The following NSMF variants were observed in gnomAD, a reference collection of about 807,000 sequenced individuals.
NSMF encodes NMDA receptor synaptonuclear signaling and neuronal migration factor, also known as nasal embryonic LHRH factor.
In NSMF, 31 loss-of-function variants were observed where a neutral mutation model predicts 71.0. The ratio of observed to expected loss-of-function variants is 0.44; its 90% CI spans 0.33 to 0.59. NSMF has a LOEUF of 0.59. Among genes scored for constraint, NSMF ranks in the 20% least tolerant of loss-of-function variants. The pLI is 0.04. For synonymous variants in NSMF, 345 were observed against 287.1 expected (o/e 1.20, Z -2.04); for missense variants, 673 against 740.5 (o/e 0.91, Z 1.06).
At chr9:137,456,098 GAC>G (rs1830817642) in intron 4 of NSMF, among the ~76,000 whole-genome samples, 1 of 152,200 alleles carries the variant, frequency 6.6e-6, no homozygotes, top group Non-Finnish European at 1.5e-5. Context: ...AGGGAGGGCA[GAC>G]ACAGGCTGAG....
chr9:137,452,772 G>A lies in NSMF; in HGVS notation c.1095C>T (p.Ile365=). 1 of 1,607,216 alleles carries A rather than the reference G, an allele frequency of 6.2e-7. No individual in the cohort carries two copies. Among genetic ancestry groups the A allele is most frequent in the Non-Finnish European group, 8.5e-7 (1 of 1,177,998 alleles). ...GGATGATGGAGGGGTCATCCCGGCG[G>A]ATGATAGTGGGGATGTACTCAGCCT... ...VPKAEYIPTI[I]RRDDPSIIPI... is the part of the protein sequence containing the mutation. Residue 365 remains isoleucine (I), a synonymous_variant, in exon 10 of 16, where the codon ATC becomes ATT. Transcript: ENST00000371475.
rs1338418331 is a variant in NSMF at position 137,459,182 on chromosome 9, CGG to C, written c.-82_-81del. Reference sequence around the variant, plus strand: ...CTCCGCCGGGGTAGCCGCGCCGCACCGGGGGTCGCGCTCGGGCTCGGGCTCGG... The same window carrying C: ...CTCCGCCGGGGTAGCCGCGCCGCACCGGGTCGCGCTCGGGCTCGGGCTCGG... On this transcript the variant is annotated 5_prime_UTR_variant, in exon 1 of 16. It removes the in-frame stop codon of an upstream open reading frame in the 5' UTR. Coordinates refer to ENST00000371475, the MANE Select transcript of NSMF (RefSeq NM_001130969.3). The C allele has an allele frequency of 9.7e-7, 1 of 1,035,700 alleles. No homozygotes were observed. The highest frequency in any genetic ancestry group is 1.2e-6 in the Non-Finnish European group (1 of 843,468). The allele number at this position is 1,035,700 out of a possible 1,614,324, so 64.2% of individuals were successfully genotyped here. A position where few individuals can be genotyped will look rare whatever the true frequency, so the allele number is the denominator to read the frequency against.
chr9:137,456,631 C>A, intron 3 of NSMF, 145 bp from the exon 4 acceptor site: 1 of 726,734 alleles, frequency 1.4e-6, no homozygotes, highest in Non-Finnish European at 2.5e-6. Flanking sequence ...GGCATCCCCA[C>A]ACGGGCACAG....
At position 137,449,327 on chromosome 9, in the gene NSMF, C is replaced by T. The variant is rs1839778633; in HGVS notation, c.*67G>A. On this transcript the variant is annotated 3_prime_UTR_variant, in exon 16 of 16. Coordinates refer to ENST00000371475, the MANE Select transcript of NSMF (RefSeq NM_001130969.3). ...CCACACAGTCCCGGGGAGCACGAGG[C>T]GGCCCAGCCCCAGGTCCCGGTGCAG... is the stretch of plus-strand genomic sequence containing the variant. The T allele has an allele frequency of 1.1e-5, 15 of 1,364,974 alleles. No homozygotes were observed. The highest frequency in any genetic ancestry group is 1.7e-5 in the Admixed American group (1 of 57,472). The allele number at this position is 1,364,974 out of a possible 1,614,324, so 84.6% of individuals were successfully genotyped here. A position where few individuals can be genotyped will look rare whatever the true frequency, so the allele number is the denominator to read the frequency against.
intron 9 of NSMF, 25 bp from the exon 10 acceptor site, chr9:137,452,844 G>T: frequency 6.3e-7 from 1 of 1,584,980 alleles, no homozygotes. Flanking sequence ...AGCTGCTCAG[G>T]GGCCCCAGGC....
At chr9:137,458,317 C>T (rs191100486) in intron 2 of NSMF, among the ~76,000 whole-genome samples, 171 bp downstream of exon 2, 2 of 152,162 alleles carry the variant, frequency 1.3e-5, no homozygotes, top group Non-Finnish European at 2.9e-5. Flanking sequence ...CGGCTGGGAA[C>T]TGCTCCTGGG....
In NSMF at chr9:137,458,479, T is replaced by C; in HGVS notation, c.133+9A>G. ...TGGGCGGCCCTGGCACGGCCTCGCGTGCCCCTACCTGCGCCGTTGCGGTTC... is the reference window on the plus strand; with the variant it reads ...TGGGCGGCCCTGGCACGGCCTCGCGCGCCCCTACCTGCGCCGTTGCGGTTC... On this transcript the variant is annotated intron_variant, in intron 2 of 15. Transcript: ENST00000371475. 11 of 1,579,738 alleles carry C rather than the reference T, an allele frequency of 7.0e-6. No individual in the cohort carries two copies. Among genetic ancestry groups the C allele is most frequent in the African/African-American group, 1.3e-5 (1 of 74,138 alleles).
intron 2 of NSMF, 126 bp from the exon 3 acceptor site, chr9:137,458,027 AC>A: frequency 7.6e-7 from 1 of 1,321,890 alleles, no homozygotes; most frequent in Non-Finnish European, 1.0e-6. Flanking sequence ...GGCTGCCCAA[AC>A]CCTAGTCACT....
rs1025704361 is a variant in NSMF, at chr9:137,458,019, C to T, written c.134-118G>A. On this transcript the variant is annotated intron_variant, in intron 2 of 15. Transcript: ENST00000371475. ...ACCTGGCCTCTGTGGGGGACTAGGG[C>T]TGCCCAAACCCTAGTCACTGGCGTG... is the stretch of plus-strand genomic sequence containing the variant. The T allele has an allele frequency of 1.3e-5, 18 of 1,394,894 alleles. No homozygotes were observed. In the African/African-American group the frequency reaches 1.4e-4, roughly 11 times the overall value. The allele number at this position is 1,394,894 out of a possible 1,614,324, so 86.4% of individuals were successfully genotyped here. A position where few individuals can be genotyped will look rare whatever the true frequency, so the allele number is the denominator to read the frequency against.
chr9:137,450,321 C>T (rs1214842831), intron 12 of NSMF, 66 bp from the exon 13 acceptor site: 35 of 1,338,756 alleles, frequency 2.6e-5, no homozygotes, highest in Non-Finnish European at 3.0e-5. Context: ...CATGCACCCA[C>T]GCACATGCGT....
intron 5 of NSMF, 107 bp from the exon 6 acceptor site, chr9:137,455,414 G>C: frequency 2.3e-6 from 3 of 1,326,580 alleles, no homozygotes; most frequent in Non-Finnish European, 3.2e-6. Context: ...CTGGGGCACG[G>C]GGCCCGGCAG....
chr9:137,454,351 C>T (rs376912023), intron 7 of NSMF, 40 bp downstream of exon 7: 307 of 1,540,076 alleles, frequency 2.0e-4, no homozygotes, highest in Non-Finnish European at 2.6e-4. Flanking sequence ...ACCAGCCAAG[C>T]GCAACGCCGC....
chr9:137,459,112 G>C lies in NSMF; in HGVS notation c.-10C>G. On this transcript the variant is annotated 5_prime_UTR_variant, in exon 1 of 16. Transcript: ENST00000371475. ...AGGCGGCGGCGCCCATGGTCGAGGC[G>C]GCGGCGCATCCCCCGGGCCTCAGAG... The C allele has an allele frequency of 8.1e-7, 1 of 1,230,006 alleles. No homozygotes were observed. Among genetic ancestry groups the C allele is most frequent in the Non-Finnish European group, 1.0e-6 (1 of 983,098 alleles). The allele number at this position is 1,230,006 out of a possible 1,614,324, so 76.2% of individuals were successfully genotyped here. A position where few individuals can be genotyped will look rare whatever the true frequency, so the allele number is the denominator to read the frequency against.
Position 137,448,967 on chromosome 9 carries a change from G to A in NSMF, c.*427C>T. 2 of 322,026 alleles carry A rather than the reference G, an allele frequency of 6.2e-6. No homozygotes were observed. Among genetic ancestry groups the A allele is most frequent in the Admixed American group, 4.5e-5 (1 of 22,070 alleles). The allele number at this position is 322,026 out of a possible 1,614,324, so 19.9% of individuals were successfully genotyped here. A position where few individuals can be genotyped will look rare whatever the true frequency, so the allele number is the denominator to read the frequency against. On this transcript the variant is annotated 3_prime_UTR_variant, in exon 16 of 16. Coordinates refer to ENST00000371475, the MANE Select transcript of NSMF (RefSeq NM_001130969.3). This position sits in a 1 kb window ranked among gnomAD's most constrained non-coding sequence, Gnocchi z 5.3. The stretch of plus-strand genomic sequence containing the variant: ...GGAGGGTCCTGAACACATGTGGGCT[G>A]CTGGGCTGCTGGGCCGGGGTGCCTA...
intron 12 of NSMF, 51 bp from the exon 13 acceptor site, chr9:137,450,306 A>T: frequency 2.8e-6 from 4 of 1,451,814 alleles, no homozygotes; most frequent in Non-Finnish European, 3.9e-6. Context: ...CCCCTCTCCG[A>T]CACACATGCA....
In NSMF at chr9:137,454,405, C is replaced by A. The variant is rs1339572789; in HGVS notation, c.818G>T (p.Arg273Met). The A allele has an allele frequency of 2.6e-6, 4 of 1,550,294 alleles. No homozygotes were observed. ...CGGGGTCTTACTCTGGGCCTTCACC[C>A]TCCGGCTGCCGACCATGCGCAGGTG... Reference protein sequence around the residue: ...RKHLRMVGSRRVKAQTFAERR... With the variant: ...RKHLRMVGSRMVKAQTFAERR... Residue 273 changes from arginine (R) to methionine (M), a missense_variant, in exon 7 of 16, where the codon AGG (arginine) becomes ATG (methionine). Physicochemically the swap from Arg to Met is moderately conservative, Grantham distance 91. Around this residue, in one of 2 missense-constraint regions of NSMF, gnomAD observed 471 missense variants for 459.6 expected, o/e 1.02. Transcript: ENST00000371475.
chr9:137,454,686 C>T, intron 6 of NSMF: 5 of 1,522,066 alleles, frequency 3.3e-6, no homozygotes, highest in Non-Finnish European at 4.4e-6. Flanking sequence ...CGCTCTGGAT[C>T]AAGTCTCCTC....
At chr9:137,458,682 C>T (rs1831000456) in intron 1 of NSMF, 133 bp from the exon 2 acceptor site, 3 of 876,166 alleles carry the variant, frequency 3.4e-6, no homozygotes, top group Non-Finnish European at 5.5e-6. Context: ...CGTCCCCCTC[C>T]GGGAGCCCAC....
At chr9:137,458,951 G>T in intron 1 of NSMF, 81 bp downstream of exon 1, 1 of 1,112,522 alleles carries the variant, frequency 9.0e-7, no homozygotes, top group Non-Finnish European at 1.2e-6. Context: ...GGAGCCCGGG[G>T]AGCACCGCGG....
Sources: gnomAD v4.1 joint callset for allele counts (sites outside exome capture counted in the v4.1 genomes callset) on GRCh38, gnomAD v4.1.1 for gene constraint, gnomAD v4.1.1 regional missense constraint, Gnocchi (gnomAD v3.1) non-coding constraint, MANE v1.5 for transcripts, NCBI Gene and HGNC (gene_info 2026-07-23, HGNC 2026-07-21) for gene names.